The following LHFPL7 variants were observed in gnomAD, a reference collection of about 807,000 sequenced individuals.
The protein encoded by LHFPL7 is LHFPL tetraspan subfamily member 7.
At chr22:24,938,419 C>A in the LHFPL7 span, 181 of 1,492,704 alleles carry the variant, frequency 1.2e-4, no homozygotes, top group Admixed American at 6.8e-4. Flanking sequence ...CAGGTGGATG[C>A]TCCCCTGCTC....
the LHFPL7 span, among the ~76,000 whole-genome samples, chr22:24,940,676 T>TTCCTTC: frequency 9.5e-5 from 11 of 115,938 alleles, no homozygotes; most frequent in African/African-American, 4.3e-4. Flanking sequence ...CTTCCTTCCC[T>TTCCTTC]CCTTCCTTCT....
the LHFPL7 span, among the ~76,000 whole-genome samples, chr22:24,940,725 CCTTCCTTG>C: frequency 1.5e-5 from 2 of 130,574 alleles, no homozygotes; most frequent in East Asian, 2.5e-4. Context: ...TTCTTTCCTT[CCTTCCTTG>C]CTTCCTTCCT....
chr22:24,939,338 C>G, the LHFPL7 span: 4 of 702,938 alleles, frequency 5.7e-6, no homozygotes, highest in South Asian at 3.0e-5. Context: ...CTCTCACCTT[C>G]CAGGCAAAGT....
the LHFPL7 span, among the ~76,000 whole-genome samples, chr22:24,941,900 C>T: frequency 1.3e-5 from 2 of 151,728 alleles, no homozygotes; most frequent in South Asian, 2.1e-4. Flanking sequence ...CTCCTGACCT[C>T]GTGATCCGCA....
the LHFPL7 span, among the ~76,000 whole-genome samples, chr22:24,937,953 T>C: frequency 2.0e-5 from 3 of 152,124 alleles, no homozygotes; most frequent in African/African-American, 7.2e-5. Flanking sequence ...TGGGTGACAC[T>C]AAGGATGCCA....
At chr22:24,941,720 G>A in the LHFPL7 span, among the ~76,000 whole-genome samples, 1 of 151,418 alleles carries the variant, frequency 6.6e-6, no homozygotes, top group Non-Finnish European at 1.5e-5. Context: ...CTCCAGGCTG[G>A]AGTACAGTGG....
At chr22:24,939,507 C>A in the LHFPL7 span, 1 of 702,798 alleles carries the variant, frequency 1.4e-6, no homozygotes, top group Admixed American at 2.0e-5. Context: ...CAGAGAGAGC[C>A]CCAGAGCTAC....
the LHFPL7 span, among the ~76,000 whole-genome samples, chr22:24,936,705 C>A: frequency 6.6e-6 from 1 of 152,284 alleles, no homozygotes; most frequent in South Asian, 2.1e-4. Flanking sequence ...GTTCCCATTA[C>A]CAGAAATGCC....
the LHFPL7 span, chr22:24,939,696 G>T: frequency 1.6e-6 from 1 of 622,188 alleles, no homozygotes; most frequent in Non-Finnish European, 2.9e-6. Context: ...AGATGCAAAT[G>T]GGAGGTACTA....
the LHFPL7 span, among the ~76,000 whole-genome samples, chr22:24,946,388 T>G: frequency 6.6e-6 from 1 of 151,944 alleles, no homozygotes; most frequent in South Asian, 2.1e-4. Flanking sequence ...TAAGCAAGCA[T>G]GCACACATGA....
the LHFPL7 span, chr22:24,938,409 C>T: frequency 1.9e-6 from 3 of 1,540,230 alleles, no homozygotes; most frequent in African/African-American, 1.4e-5. Flanking sequence ...GGGACAGGGG[C>T]AGGTGGATGC....
chr22:24,940,974 T>G, the LHFPL7 span, among the ~76,000 whole-genome samples: 1 of 152,006 alleles, frequency 6.6e-6, no homozygotes, highest in African/African-American at 2.4e-5. Context: ...ATTAGAAACC[T>G]TTTTTCTTTT....
chr22:24,942,832 G>T, the LHFPL7 span, among the ~76,000 whole-genome samples: 6 of 152,014 alleles, frequency 3.9e-5, no homozygotes, highest in Admixed American at 2.6e-4. Flanking sequence ...AGTTTGGGGA[G>T]ATGGCCTCAC....
the LHFPL7 span, among the ~76,000 whole-genome samples, chr22:24,938,887 AACTCTCAGAGACACG>A: frequency 6.6e-6 from 1 of 152,218 alleles, no homozygotes; most frequent in South Asian, 2.1e-4. Flanking sequence ...TATACTGCAC[AACTCTCAGAGACACG>A]TTGGGGGCCA....
the LHFPL7 span, among the ~76,000 whole-genome samples, chr22:24,939,847 T>G: frequency 1.3e-5 from 2 of 151,992 alleles, no homozygotes; most frequent in East Asian, 3.9e-4. Context: ...TCATCCTCAC[T>G]GGTCCATGCA....
chr22:24,936,912 G>GC, the LHFPL7 span, among the ~76,000 whole-genome samples: 174 of 102,438 alleles, frequency 1.7e-3, no homozygotes, highest in South Asian at 3.7e-3. Context: ...TCCAACCCCC[G>GC]CCCCCCCCGC....
the LHFPL7 span, chr22:24,939,546 C>T: frequency 5.7e-6 from 4 of 702,566 alleles, no homozygotes; most frequent in East Asian, 2.7e-5. Context: ...TAGGCAGTAT[C>T]GCTGACCTAG....
At chr22:24,942,154 C>A in the LHFPL7 span, among the ~76,000 whole-genome samples, 2 of 151,844 alleles carry the variant, frequency 1.3e-5, no homozygotes, top group Non-Finnish European at 2.9e-5. Context: ...GCCACCATGC[C>A]CGGCTAATTT....
At chr22:24,939,216 C>A in the LHFPL7 span, 1 of 677,718 alleles carries the variant, frequency 1.5e-6, no homozygotes, top group Non-Finnish European at 2.7e-6. Context: ...AAATTCGAAG[C>A]CACTGGGACA....
Sources: allele counts gnomAD v4.1 joint callset (sites outside exome capture counted in the v4.1 genomes callset), GRCh38; gene constraint gnomAD v4.1.1; transcripts MANE v1.5; gene names NCBI Gene and HGNC (gene_info 2026-07-23, HGNC 2026-07-21).